ATN1: variants seen among roughly 807,000 people sequenced by gnomAD.
The protein encoded by ATN1 is atrophin-1.
A neutral mutation model predicts 85.8 loss-of-function variants in ATN1; 19 were observed. The ratio of observed to expected loss-of-function variants is 0.22; its 90% CI spans 0.15 to 0.32. The LOEUF (loss-of-function observed/expected upper bound fraction) is 0.32. Ranked by LOEUF, ATN1 falls within the 10% of genes least tolerant of loss-of-function variation. ATN1 has a pLI of 1.00. For synonymous variants in ATN1, 674 were observed against 657.0 expected (o/e 1.03, Z -0.39); for missense variants, 1,453 against 1,564.5 (o/e 0.93, Z 1.20).
At chr12:6,925,117 C>T (rs11064468), upstream of ATN1, among the ~76,000 whole-genome samples, 20 of 143,818 alleles carry the variant, frequency 1.4e-4, no homozygotes, top group Admixed American at 2.7e-4. Context: ...TGTGCGTGTG[C>T]GTGTGTGTGT....
chr12:6,927,954 G>A (rs1349258053), upstream of ATN1, among the ~76,000 whole-genome samples: 3 of 149,710 alleles, frequency 2.0e-5, no homozygotes, highest in East Asian at 3.9e-4. Context: ...AGGGGCGGGG[G>A]CCGCGGGCGA....
At position 6,936,192 on chromosome 12, in the gene ATN1, C is replaced by T. The variant is rs1555143603; in HGVS notation, c.925C>T (p.Pro309Ser). ...CCTGCCTCCCCCACCTGCCCTGAGA[C>T]CCCTCAACAATGCATCAGCCTCTCC... ...PNLPPPPALR[P>S]LNNASASPPG... Residue 309 changes from proline to serine, a missense_variant, in exon 5 of 10, where the codon CCC (proline) becomes TCC (serine). By Grantham distance (74) the Pro-to-Ser change is moderately conservative. This residue lies in a region of ATN1 where 990 missense variants were observed against 914.8 expected (regional missense o/e 1.08). Transcript: ENST00000396684. 1 of 1,582,986 alleles carries T rather than the reference C, an allele frequency of 6.3e-7. No homozygotes were observed.
In ATN1 at chr12:6,935,435, C is replaced by T. The variant is rs754039494; in HGVS notation, c.280-112C>T. On this transcript the variant is annotated intron_variant, in intron 4 of 9. Transcript: ENST00000396684. This position sits in a 1 kb window ranked among gnomAD's most constrained non-coding sequence, Gnocchi z 5.3. ...TGGGCTTGAGCAAGAGTACTCACCACATCACAGTACAACAGTGTGCTGTGA... is the reference window on the plus strand; with the variant it reads ...TGGGCTTGAGCAAGAGTACTCACCATATCACAGTACAACAGTGTGCTGTGA... The T allele has an allele frequency of 4.4e-4, 539 of 1,231,620 alleles. No individual in the cohort carries two copies. The highest frequency in any genetic ancestry group is 9.5e-4 in the Middle Eastern group (4 of 4,224). 76.3% of individuals were successfully genotyped at this position (1,231,620 alleles called of 1,614,324 possible). A position where few individuals can be genotyped will look rare whatever the true frequency, so the allele number is the denominator to read the frequency against.
upstream of ATN1, among the ~76,000 whole-genome samples, chr12:6,927,708 G>A (rs1945412533): frequency 6.7e-6 from 1 of 150,326 alleles, no homozygotes. Context: ...CTCCCTCCTG[G>A]CCCCTCTCTC....
rs782778096 is a variant in ATN1, at chr12:6,940,934, C to T, written c.3269C>T (p.Thr1090Ile). 1 of 1,614,234 alleles carries T rather than the reference C, an allele frequency of 6.2e-7. No individual in the cohort carries two copies. Among genetic ancestry groups the T allele is most frequent in the Non-Finnish European group, 8.5e-7 (1 of 1,180,046 alleles). ...CCCCTGGCCTCAGGGTCTCACCTTA[C>T]CCGGATCCCCTACCCAGCTGGAACT... ...IDPLASGSHLTRIPYPAGTLP... is the reference protein window; with the variant it reads ...IDPLASGSHLIRIPYPAGTLP... The change falls in exon 8 of 10, where the codon ACC becomes ATC. Residue 1090 changes from threonine to isoleucine, a missense_variant. By Grantham distance (89) the Thr-to-Ile change is moderately conservative (BLOSUM62 -1). This residue lies in a region of ATN1 where 118 missense variants were observed against 163.7 expected (regional missense o/e 0.72). Coordinates refer to ENST00000396684, the MANE Select transcript of ATN1 (RefSeq NM_001940.4).
rs1945420897 is a variant in ATN1 at position 6,928,262 on chromosome 12, C to T, written c.-285C>T. On this transcript the variant is annotated 5_prime_UTR_variant, in exon 1 of 10. Coordinates refer to ENST00000396684, the MANE Select transcript of ATN1 (RefSeq NM_001940.4). ...GGGTCGGGGCCGCCGCCGCCGTCGT[C>T]GCGGCGGCGACTGAGGCCGAGAAGA... 1 of 139,944 alleles carries T rather than the reference C, an allele frequency of 7.1e-6. No individual in the cohort carries two copies. The highest frequency in any genetic ancestry group is 2.3e-4 in the South Asian group (1 of 4,312). 8.7% of individuals were successfully genotyped at this position (139,944 alleles called of 1,614,324 possible). A position where few individuals can be genotyped will look rare whatever the true frequency, so the allele number is the denominator to read the frequency against.
Position 6,937,723 on chromosome 12 carries a change from G to A in ATN1, c.2295-122G>A, listed in dbSNP as rs1555144049. 4 of 1,448,750 alleles carry A rather than the reference G, an allele frequency of 2.8e-6. No homozygotes were observed. Among genetic ancestry groups the A allele is most frequent in the Admixed American group, 5.6e-5 (2 of 35,710 alleles). 89.7% of individuals were successfully genotyped at this position (1,448,750 alleles called of 1,614,324 possible). On this transcript the variant is annotated intron_variant, in intron 5 of 9. Transcript: ENST00000396684. This position sits in a 1 kb window ranked among gnomAD's most constrained non-coding sequence, Gnocchi z 6.0. ...CTAGTGGCCAGTGAGGCCCGCAGCA[G>A]CTCACAGCCTGCAGGGGTGGTTTTG...
intron 1 of ATN1, among the ~76,000 whole-genome samples, chr12:6,930,171 T>C (rs1267167766): frequency 6.6e-6 from 1 of 152,242 alleles, no homozygotes; most frequent in Non-Finnish European, 1.5e-5. Context: ...GGGCTATAGA[T>C]GAGATGATCT....
At position 6,936,935 on chromosome 12, in the gene ATN1, G is replaced by A; in HGVS notation, c.1668G>A (p.Val556=). 6.2e-7 allele frequency: 1 copy of A among 1,613,964 alleles called. No individual in the cohort carries two copies. The highest frequency in any genetic ancestry group is 1.7e-4 in the Middle Eastern group (1 of 6,060). The change falls in exon 5 of 10, where the codon GTG becomes GTA. Residue 556 remains valine, a synonymous_variant. Transcript: ENST00000396684. ...PAHLPPPHSQ[V]SYSQAGPNGP... is the part of the protein sequence containing the mutation. ...ACCTGCCCCCACCTCACAGCCAGGT[G>A]TCCTACAGCCAAGCAGGCCCCAATG... is the stretch of plus-strand genomic sequence containing the variant.
rs782224135 is a variant in ATN1 at position 6,938,031 on chromosome 12, C to CGAGCGCGAGAAG, written c.2491_2502dup (p.Lys831_Glu834dup). The CGAGCGCGAGAAG allele has an allele frequency of 9.8e-5, 151 of 1,545,368 alleles. No individual in the cohort carries two copies. The highest frequency in any genetic ancestry group is 3.8e-4 in the Middle Eastern group (2 of 5,196). On this transcript the variant is annotated inframe_insertion, in exon 6 of 10. Coordinates refer to ENST00000396684, the MANE Select transcript of ATN1 (RefSeq NM_001940.4). ...GCGAGCGGGAACGCGAGAAAGAGCG[C>CGAGCGCGAGAAG]GAGCGCGAGAAGGAGCGCGAGCTTG...
Position 6,941,366 on chromosome 12 carries a change from G to A in ATN1, c.3359-8G>A, listed in dbSNP as rs1243692298. On this transcript the variant is annotated splice_polypyrimidine_tract_variant and splice_region_variant and intron_variant, in intron 8 of 9. Coordinates refer to ENST00000396684, the MANE Select transcript of ATN1 (RefSeq NM_001940.4). This position sits in a 1 kb window ranked among gnomAD's most constrained non-coding sequence, Gnocchi z 5.9. ...TGGTCATATGCCCCTTGCCCTTCCT[G>A]CTCACAGCTGCCCCTTACCGGGACC... 10 of 1,590,538 alleles carry A rather than the reference G, an allele frequency of 6.3e-6. No individual in the cohort carries two copies. Among genetic ancestry groups the A allele is most frequent in the South Asian group, 1.1e-5 (1 of 89,328 alleles).
At chr12:6,940,310 G>T (rs868978650) in intron 7 of ATN1, among the ~76,000 whole-genome samples, 7 of 145,300 alleles carry the variant, frequency 4.8e-5, no homozygotes, top group African/African-American at 1.8e-4. Flanking sequence ...CTTTTGCCCA[G>T]ACTGGAGTGC....
chr12:6,936,736 AGC>A lies in ATN1; in HGVS notation c.1470_1471del (p.Gln491AlafsTer32), dbSNP rs782261324. 29 of 839,994 alleles carry A rather than the reference AGC, an allele frequency of 3.5e-5. No homozygotes were observed. In the African/African-American group the frequency reaches 8.2e-4, roughly 24 times the overall value. The allele number at this position is 839,994 out of a possible 1,614,324, so 52.0% of individuals were successfully genotyped here. On this transcript the variant is annotated frameshift_variant, in exon 5 of 10. Coordinates refer to ENST00000396684, the MANE Select transcript of ATN1 (RefSeq NM_001940.4). LOFTEE classifies it high-confidence loss of function. ...CACCACCAGCAACAGCAACAGCAGCAGCAGCAGCAGCAGCAGCAGCAGCAGCA... is the reference window on the plus strand; with the variant it reads ...CACCACCAGCAACAGCAACAGCAGCAAGCAGCAGCAGCAGCAGCAGCAGCA...
Position 6,936,997 on chromosome 12 carries a change from C to A in ATN1, c.1730C>A (p.Ser577Tyr). The A allele has an allele frequency of 6.2e-7, 1 of 1,613,706 alleles. No individual in the cohort carries two copies. Among genetic ancestry groups the A allele is most frequent in the African/African-American group, 1.3e-5 (1 of 75,012 alleles). Residue 577 changes from serine (S) to tyrosine (Y), a missense_variant, in exon 5 of 10, where the codon TCC becomes TAC. Ser to Tyr is a moderately radical substitution (Grantham distance 144). Transcript: ENST00000396684. ...PVSSSSNSSS[S>Y]TSQGSYPCSH... is the part of the protein sequence containing the mutation. The stretch of plus-strand genomic sequence containing the variant: ...TCTTCCTCTTCCAACTCTTCCTCTT[C>A]CACTTCTCAAGGGTCCTACCCATGT...
Position 6,936,684 on chromosome 12 carries a change from C to T in ATN1, c.1417C>T (p.His473Tyr). 2 of 1,613,776 alleles carry T rather than the reference C, an allele frequency of 1.2e-6. No individual in the cohort carries two copies. The change falls in exon 5 of 10, where the codon CAC (histidine) becomes TAC (tyrosine). Residue 473 changes from histidine (H) to tyrosine (Y), a missense_variant. His to Tyr is a moderately conservative substitution (Grantham distance 83). Around this residue, in one of 6 missense-constraint regions of ATN1, gnomAD observed 990 missense variants for 914.8 expected, o/e 1.08. Transcript: ENST00000396684. ...CTCTACTGGGGCCCAGTCCACCGCC[C>T]ACCCACCAGTCTCAACACATCACCA... ...PPSTGAQSTAHPPVSTHHHHH... is the reference protein window; with the variant it reads ...PPSTGAQSTAYPPVSTHHHHH...
chr12:6,941,515 T>C lies in ATN1; in HGVS notation c.3500T>C (p.Leu1167Pro). 1 of 1,612,744 alleles carries C rather than the reference T, an allele frequency of 6.2e-7. No homozygotes were observed. The highest frequency in any genetic ancestry group is 8.5e-7 in the Non-Finnish European group (1 of 1,179,942). ...QQQWLHAHHPLHSVPLPAQED... is the reference protein window; with the variant it reads ...QQQWLHAHHPPHSVPLPAQED... ...CAGTGGCTGCATGCCCATCACCCGC[T>C]GCACAGTGTGCCGCTGCCTGCCCAG... Residue 1167 changes from leucine to proline, a missense_variant, in exon 9 of 10, where the codon CTG becomes CCG. Physicochemically the swap from Leu to Pro is moderately conservative, Grantham distance 98 (BLOSUM62 -3). Coordinates refer to ENST00000396684, the MANE Select transcript of ATN1 (RefSeq NM_001940.4). The surrounding 1 kb of genome is among the most constrained non-coding windows in gnomAD (Gnocchi z 5.9).
chr12:6,927,823 A>G (rs1945413593), upstream of ATN1, among the ~76,000 whole-genome samples: 1 of 147,712 alleles, frequency 6.8e-6, no homozygotes, highest in Admixed American at 6.7e-5. Flanking sequence ...GAGTCGCCGG[A>G]CGCACCGCCC....
chr12:6,935,537 T>C lies in ATN1; in HGVS notation c.280-10T>C. On this transcript the variant is annotated splice_polypyrimidine_tract_variant and intron_variant, in intron 4 of 9. Transcript: ENST00000396684. The surrounding 1 kb of genome is among the most constrained non-coding windows in gnomAD (Gnocchi z 5.3). ...GAAAAGAGAAAAAATGAGTCTTCCC[T>C]TTTCTACAGCAGGAACTCCCTCGGC... is the stretch of plus-strand genomic sequence containing the variant. 2 of 1,605,350 alleles carry C rather than the reference T, an allele frequency of 1.2e-6. No homozygotes were observed. Among genetic ancestry groups the C allele is most frequent in the Middle Eastern group, 1.7e-4 (1 of 6,010 alleles).
In ATN1 at chr12:6,938,927, T is replaced by C. The variant is rs782394950; in HGVS notation, c.2964T>C (p.Pro988=). The change falls in exon 7 of 10, where the codon CCT becomes CCC. Residue 988 remains proline (P), a synonymous_variant. Transcript: ENST00000396684. ...ALQPGPPGLH[P]FPFHPSLGPL... Reference sequence around the variant, plus strand: ...AGCCTGGCCCACCTGGCCTGCACCCTTTCCCCTTTCATCCGAGCCTGGGGC... The same window carrying C: ...AGCCTGGCCCACCTGGCCTGCACCCCTTCCCCTTTCATCCGAGCCTGGGGC... 6.2e-7 allele frequency: 1 copy of C among 1,613,940 alleles called. No homozygotes were observed. Among genetic ancestry groups the C allele is most frequent in the South Asian group, 1.1e-5 (1 of 91,084 alleles).
Sources: gnomAD v4.1 joint callset for allele counts (sites outside exome capture counted in the v4.1 genomes callset) on GRCh38, gnomAD v4.1.1 for gene constraint, gnomAD v4.1.1 regional missense constraint, Gnocchi (gnomAD v3.1) non-coding constraint, MANE v1.5 for transcripts, NCBI Gene and HGNC (gene_info 2026-07-23, HGNC 2026-07-21) for gene names.